CNTLN: variants seen among roughly 807,000 people sequenced by gnomAD.
CNTLN encodes the protein centlein.
A neutral mutation model predicts 180.0 loss-of-function variants in CNTLN; 212 were observed. That is an observed-to-expected ratio of 1.18 (90% CI 1.05 to 1.32). CNTLN has a LOEUF of 1.32. Ranked by LOEUF, CNTLN falls within the 40% of genes most tolerant of loss-of-function variation. The pLI, the probability that CNTLN is intolerant of heterozygous loss-of-function variation, is 0.00. For missense variants in CNTLN, 2,095 were observed against 1,610.9 expected (o/e 1.30, Z -5.14); for synonymous variants, 722 against 563.1 (o/e 1.28, Z -3.99).
chr9:17,500,533 G>A (rs908545353), intron 25 of CNTLN, among the ~76,000 whole-genome samples: 21 of 152,084 alleles, frequency 1.4e-4, no homozygotes, highest in African/African-American at 5.1e-4. Flanking sequence ...CACTATTTCC[G>A]CCTGATAAAT....
At chr9:17,260,326 C>G (rs1418213593) in intron 5 of CNTLN, among the ~76,000 whole-genome samples, 1 of 151,120 alleles carries the variant, frequency 6.6e-6, no homozygotes, top group South Asian at 2.1e-4. Context: ...TTTGATTGCA[C>G]TGTGGTCTGA....
At chr9:17,273,993 G>T in intron 6 of CNTLN, 127 bp downstream of exon 6, 3 of 742,820 alleles carry the variant, frequency 4.0e-6, no homozygotes, top group South Asian at 2.7e-5. Context: ...ATATGTTTGT[G>T]CATTGAGAAT....
intron 12 of CNTLN, among the ~76,000 whole-genome samples, chr9:17,360,261 T>C (rs1016340267): frequency 1.9e-4 from 29 of 152,214 alleles, no homozygotes; most frequent in African/African-American, 6.0e-4. Flanking sequence ...AAGAAGACTA[T>C]TTAGGACCAT....
chr9:17,357,558 C>T (rs1190545893), intron 12 of CNTLN, among the ~76,000 whole-genome samples: 1 of 144,142 alleles, frequency 6.9e-6, no homozygotes, highest in Non-Finnish European at 1.5e-5. Context: ...TTTTGGGTAC[C>T]ATGTATATAT....
chr9:17,450,905 T>G (rs1830743181), intron 18 of CNTLN, among the ~76,000 whole-genome samples: 1 of 152,164 alleles, frequency 6.6e-6, no homozygotes, highest in Admixed American at 6.5e-5. Flanking sequence ...AAATTAATGT[T>G]TTAAATTTAA....
intron 6 of CNTLN, among the ~76,000 whole-genome samples, chr9:17,291,005 G>C (rs182499458): frequency 9.5e-4 from 144 of 152,254 alleles, no homozygotes; most frequent in Non-Finnish European, 1.5e-3. Flanking sequence ...GACCGGAGCT[G>C]TTCCTATTCG....
chr9:17,291,014 C>G (rs1241537534), intron 6 of CNTLN, among the ~76,000 whole-genome samples: 1 of 152,144 alleles, frequency 6.6e-6, no homozygotes, highest in African/African-American at 2.4e-5. Context: ...TGTTCCTATT[C>G]GGCCATCTTG....
At chr9:17,347,673 CAA>C (rs369056271) in intron 12 of CNTLN, among the ~76,000 whole-genome samples, 5,496 of 129,916 alleles carry the variant, frequency 0.042, 260 homozygotes, top group African/African-American at 0.13. Context: ...ACTCTTGTCT[CAA>C]AAAAAAAAAA....
At position 17,355,807 on chromosome 9, in the gene CNTLN, G is replaced by T. The variant is rs139341063; in HGVS notation, c.1887-10810G>T. On this transcript the variant is annotated intron_variant, in intron 12 of 25. Coordinates refer to ENST00000380647, the MANE Select transcript of CNTLN (RefSeq NM_017738.4). Reference sequence around the variant, plus strand: ...AGGCTGGGCGCAGTGGCTCACGCCTGTAATCCCAGCACTTTGGGAGGCTGA... The same window carrying T: ...AGGCTGGGCGCAGTGGCTCACGCCTTTAATCCCAGCACTTTGGGAGGCTGA... Among the ~76,000 whole-genome samples, 1,321 of 152,294 alleles carry T rather than the reference G, an allele frequency of 8.7e-3. 13 individuals carry two copies. The highest frequency in any genetic ancestry group is 0.029 in the African/African-American group (1,205 of 41,552).
chr9:17,400,191 GC>G (rs1826859928), intron 15 of CNTLN, among the ~76,000 whole-genome samples: 1 of 152,090 alleles, frequency 6.6e-6, no homozygotes, highest in Non-Finnish European at 1.5e-5. Context: ...AGGCTGGAGT[GC>G]AATGGCGTGG....
chr9:17,490,606 G>A (rs890735336), intron 25 of CNTLN, among the ~76,000 whole-genome samples: 2 of 151,956 alleles, frequency 1.3e-5, no homozygotes, highest in African/African-American at 4.8e-5. Flanking sequence ...ACTGCTTACG[G>A]ATAGAATTTC....
chr9:17,226,895 G>A (rs1824503687), intron 3 of CNTLN, among the ~76,000 whole-genome samples: 1 of 151,664 alleles, frequency 6.6e-6, no homozygotes, highest in African/African-American at 2.4e-5. Flanking sequence ...CATGGTGAGG[G>A]AGGTGCCACA....
At chr9:17,219,177 A>C (rs1349138930) in intron 2 of CNTLN, among the ~76,000 whole-genome samples, 2 of 151,836 alleles carry the variant, frequency 1.3e-5, no homozygotes, top group Non-Finnish European at 2.9e-5. Flanking sequence ...CAGTGGTTCT[A>C]ATTAGCTAAA....
At chr9:17,472,294 A>G (rs1204799819) in intron 23 of CNTLN, among the ~76,000 whole-genome samples, 1 of 152,122 alleles carries the variant, frequency 6.6e-6, no homozygotes, top group Non-Finnish European at 1.5e-5. Context: ...AGTAAGATGT[A>G]GGAATGAATA....
chr9:17,336,459 C>G (rs961446109), intron 10 of CNTLN, among the ~76,000 whole-genome samples: 3 of 152,116 alleles, frequency 2.0e-5, no homozygotes, highest in African/African-American at 4.8e-5. Flanking sequence ...GTCTCTAGGA[C>G]TAATTTAATG....
intron 2 of CNTLN, among the ~76,000 whole-genome samples, chr9:17,194,165 A>G (rs1044471884): frequency 6.6e-6 from 1 of 152,182 alleles, no homozygotes; most frequent in African/African-American, 2.4e-5. Flanking sequence ...AAAACCTCTG[A>G]CATGCCCTGG....
rs1825161178 is a variant in CNTLN at position 17,236,609 on chromosome 9, C to G, written c.849+21C>G. ...TAAAGGTATACAATAGGAATGGAATCCATACTCCTCTTTTGGATCTAACTT... is the reference window on the plus strand; with the variant it reads ...TAAAGGTATACAATAGGAATGGAATGCATACTCCTCTTTTGGATCTAACTT... On this transcript the variant is annotated intron_variant, in intron 5 of 25. Transcript: ENST00000380647. The G allele has an allele frequency of 1.9e-6, 3 of 1,559,866 alleles. No individual in the cohort carries two copies. The East Asian group carries it at 6.8e-5, about 35-fold the overall frequency.
chr9:17,309,447 G>A (rs1024580702), intron 8 of CNTLN, among the ~76,000 whole-genome samples, 195 bp downstream of exon 8: 1 of 152,060 alleles, frequency 6.6e-6, no homozygotes, highest in African/African-American at 2.4e-5. Flanking sequence ...TTATATAGAA[G>A]TGCATGTAGA....
intron 5 of CNTLN, among the ~76,000 whole-genome samples, chr9:17,243,067 T>G (rs11525918): frequency 0.17 from 26,044 of 152,116 alleles, 2,493 homozygotes; most frequent in South Asian, 0.28. Context: ...CTTAGTAGGT[T>G]GTATGTGTCT....
Sources: gnomAD v4.1 joint callset for allele counts (sites outside exome capture counted in the v4.1 genomes callset) on GRCh38, gnomAD v4.1.1 for gene constraint, MANE v1.5 for transcripts, NCBI Gene and HGNC (gene_info 2026-07-23, HGNC 2026-07-21) for gene names.